The following DEPTOR variants were observed in gnomAD, a reference collection of about 807,000 sequenced individuals.
The protein encoded by DEPTOR is DEP domain-containing mTOR-interacting protein.
Under a neutral mutation model 41.6 loss-of-function variants are expected in DEPTOR, and 41 were observed. The ratio of observed to expected loss-of-function variants is 0.98; its 90% CI spans 0.77 to 1.28. DEPTOR has a LOEUF of 1.28. Ranked by LOEUF, DEPTOR falls within the 50% of genes most tolerant of loss-of-function variation. The pLI is 0.00. For synonymous variants in DEPTOR, 195 were observed against 192.3 expected (o/e 1.01, Z -0.12); for missense variants, 514 against 527.9 (o/e 0.97, Z 0.26).
chr8:119,983,663 C>T (rs1405830136), intron 4 of DEPTOR, among the ~76,000 whole-genome samples: 6 of 152,184 alleles, frequency 3.9e-5, no homozygotes, highest in Non-Finnish European at 7.3e-5. Context: ...GGATTACAGG[C>T]ATGAGCCACC....
intron 4 of DEPTOR, among the ~76,000 whole-genome samples, chr8:119,992,540 T>C (rs554806278): frequency 6.6e-6 from 1 of 152,294 alleles, no homozygotes; most frequent in South Asian, 2.1e-4. Flanking sequence ...ATCGTAGTGC[T>C]GGATTCAGTT....
chr8:119,912,870 C>T (rs7010899), intron 1 of DEPTOR, among the ~76,000 whole-genome samples: 33,408 of 152,090 alleles, frequency 0.22, 4,244 homozygotes, highest in African/African-American at 0.34. Flanking sequence ...AGGCTGTCAA[C>T]CTAAAATAAT....
At chr8:120,046,734 G>A (rs1170003179) in intron 8 of DEPTOR, among the ~76,000 whole-genome samples, 4 of 152,090 alleles carry the variant, frequency 2.6e-5, no homozygotes, top group South Asian at 4.2e-4. Context: ...GTGCCACCAC[G>A]CCCAACCTCC....
At chr8:119,903,706 G>C (rs537436185) in intron 1 of DEPTOR, among the ~76,000 whole-genome samples, 24 of 152,132 alleles carry the variant, frequency 1.6e-4, no homozygotes, top group African/African-American at 5.8e-4. Flanking sequence ...TCTGGAGACC[G>C]AGTGGCCTCT....
intron 1 of DEPTOR, among the ~76,000 whole-genome samples, chr8:119,894,027 A>T (rs1397546533): frequency 6.6e-6 from 1 of 152,184 alleles, no homozygotes; most frequent in East Asian, 1.9e-4. Context: ...ATCTTTATTA[A>T]CAGCTTGTGT....
chr8:119,966,571 G>A (rs1424167128), intron 4 of DEPTOR, among the ~76,000 whole-genome samples: 6 of 152,056 alleles, frequency 3.9e-5, no homozygotes, highest in South Asian at 4.1e-4. Flanking sequence ...TGCAACCTCC[G>A]CCTCCCAGGT....
At chr8:119,961,809 T>C (rs545283777) in intron 3 of DEPTOR, among the ~76,000 whole-genome samples, 6 of 152,296 alleles carry the variant, frequency 3.9e-5, no homozygotes, top group African/African-American at 1.4e-4. Context: ...ATATTATTAT[T>C]AGTTTCAAAG....
At chr8:119,889,042 A>G (rs1020888919) in intron 1 of DEPTOR, among the ~76,000 whole-genome samples, 1 of 152,100 alleles carries the variant, frequency 6.6e-6, no homozygotes, top group African/African-American at 2.4e-5. Flanking sequence ...CATATAATGA[A>G]TTTATTTAAA....
intron 1 of DEPTOR, among the ~76,000 whole-genome samples, chr8:119,921,483 A>C (rs1168857236): frequency 6.6e-6 from 1 of 152,188 alleles, no homozygotes; most frequent in African/African-American, 2.4e-5. Context: ...ATAATAGCAC[A>C]GTTCTTATAG....
At position 120,049,862 on chromosome 8, in the gene DEPTOR, G is replaced by A; in HGVS notation, c.*158G>A. On this transcript the variant is annotated 3_prime_UTR_variant, in exon 9 of 9. Transcript: ENST00000286234. ...TAAAGTTGAGTTTTATACACTGAAT[G>A]TGGAAGAACCGGGTATCATATCTTT... is the stretch of plus-strand genomic sequence containing the variant. The A allele has an allele frequency of 1.3e-6, 1 of 799,748 alleles. No individual in the cohort carries two copies. Among genetic ancestry groups the A allele is most frequent in the Non-Finnish European group, 1.8e-6 (1 of 564,132 alleles). 49.5% of individuals were successfully genotyped at this position (799,748 alleles called of 1,614,324 possible).
At chr8:119,937,410 A>G (rs1828127686) in intron 3 of DEPTOR, among the ~76,000 whole-genome samples, 1 of 152,070 alleles carries the variant, frequency 6.6e-6, no homozygotes. Flanking sequence ...ACATATACAT[A>G]TTTTCTAATA....
chr8:119,934,233 T>C (rs1429170599), intron 3 of DEPTOR, among the ~76,000 whole-genome samples: 1 of 152,200 alleles, frequency 6.6e-6, no homozygotes, highest in Non-Finnish European at 1.5e-5. Flanking sequence ...TGCTCGTTGG[T>C]AGGATAAACC....
At chr8:120,034,334 T>C (rs1563598654) in intron 8 of DEPTOR, among the ~76,000 whole-genome samples, 2 of 151,210 alleles carry the variant, frequency 1.3e-5, no homozygotes, top group Admixed American at 1.3e-4. Context: ...CAGTGCCACC[T>C]TGGAGGAAGA....
intron 8 of DEPTOR, among the ~76,000 whole-genome samples, chr8:120,047,592 C>T (rs190654844): frequency 4.2e-4 from 63 of 151,804 alleles, no homozygotes; most frequent in African/African-American, 1.4e-3. Flanking sequence ...CTGATCCACC[C>T]GCCAGGCTGA....
chr8:119,931,997 A>G (rs1306759887), intron 3 of DEPTOR, among the ~76,000 whole-genome samples: 1 of 144,162 alleles, frequency 6.9e-6, no homozygotes, highest in African/African-American at 2.6e-5. Flanking sequence ...TTATTATTTT[A>G]TAAAGACAGG....
In DEPTOR at chr8:120,002,791, A is replaced by AAAAAAAATATAT; in HGVS notation, c.791-185_791-184insAAAAAATATATA. Among the ~76,000 whole-genome samples, 181 of 60,656 alleles carry AAAAAAAATATAT rather than the reference A, an allele frequency of 3.0e-3. 2 individuals are homozygous for AAAAAAAATATAT. Among genetic ancestry groups the AAAAAAAATATAT allele is most frequent in the African/African-American group, 0.013 (174 of 13,192 alleles). The allele number at this position is 60,656 out of a possible 152,430, so 39.8% of individuals were successfully genotyped here. A position where few individuals can be genotyped will look rare whatever the true frequency, so the allele number is the denominator to read the frequency against. On this transcript the variant is annotated intron_variant, in intron 5 of 8. Coordinates refer to ENST00000286234, the MANE Select transcript of DEPTOR (RefSeq NM_022783.4). Reference sequence around the variant, plus strand: ...GACTCCATCTCAAAAAAAAAAAAAAAATATATATATATATATATATAATAT... The same window carrying AAAAAAAATATAT: ...GACTCCATCTCAAAAAAAAAAAAAAAAAAAAAATATATATATATATATATATATATATAATAT...
intron 1 of DEPTOR, among the ~76,000 whole-genome samples, chr8:119,927,340 C>T (rs1563967800): frequency 6.6e-6 from 1 of 151,998 alleles, no homozygotes; most frequent in Admixed American, 6.6e-5. Context: ...CACTAAAGCA[C>T]AGGGAATGTA....
At chr8:119,904,116 C>CT (rs1432273376) in intron 1 of DEPTOR, among the ~76,000 whole-genome samples, 19 of 150,310 alleles carry the variant, frequency 1.3e-4, no homozygotes, top group South Asian at 4.3e-4. Flanking sequence ...TTCTCTCTCT[C>CT]TTTTTTTTGT....
intron 3 of DEPTOR, among the ~76,000 whole-genome samples, chr8:119,940,562 T>A (rs147317741): frequency 6.6e-6 from 1 of 151,588 alleles, no homozygotes. Flanking sequence ...CCTGGCCAAC[T>A]TGGCAAAACC....
Sources: allele counts gnomAD v4.1 joint callset (sites outside exome capture counted in the v4.1 genomes callset), GRCh38; gene constraint gnomAD v4.1.1; transcripts MANE v1.5; gene names NCBI Gene and HGNC (gene_info 2026-07-23, HGNC 2026-07-21).